Variants in PCDHGB1 observed in about 807,000 individuals in gnomAD.
The protein encoded by PCDHGB1 is protocadherin gamma subfamily B, 1, also known as protocadherin gamma-B1.
PCDHGB1 carries 34 observed loss-of-function variants against 56.6 expected under a neutral mutation model. The ratio of observed to expected loss-of-function variants is 0.60; its 90% CI spans 0.46 to 0.80. PCDHGB1 has a LOEUF of 0.80. Among genes scored for constraint, PCDHGB1 ranks in the 30% least tolerant of loss-of-function variants. The pLI is 0.00. For missense variants in PCDHGB1, 1,278 were observed against 1,204.6 expected (o/e 1.06, Z -0.90); for synonymous variants, 561 against 505.9 (o/e 1.11, Z -1.46).
chr5:141,352,334 T>C lies in PCDHGB1; in HGVS notation c.2074T>C (p.Leu692=). ...ACTGCAGTTTTACCTGGTTGTGGCC[T>C]TGGCCTTGATCTCAGTGCTCTTTCT... ...TELQFYLVVA[L]ALISVLFLLA... Residue 692 remains leucine (L), a synonymous_variant, in exon 1 of 4, where the codon TTG becomes CTG. Transcript: ENST00000523390. 3 of 1,614,084 alleles carry C rather than the reference T, an allele frequency of 1.9e-6. No individual in the cohort carries two copies. The highest frequency in any genetic ancestry group is 2.5e-6 in the Non-Finnish European group (3 of 1,179,914).
chr5:141,403,623 G>A (rs765775423), intron 1 of PCDHGB1: 1 of 1,613,898 alleles, frequency 6.2e-7, no homozygotes, highest in South Asian at 1.1e-5. Context: ...CGTCGCTCCA[G>A]CACAGTGCGC....
chr5:141,502,084 G>A (rs1438350526), intron 2 of PCDHGB1, among the ~76,000 whole-genome samples: 1 of 152,154 alleles, frequency 6.6e-6, no homozygotes, highest in African/African-American at 2.4e-5. Context: ...CTGGGGCTGA[G>A]AACACCTGGC....
In PCDHGB1 at chr5:141,486,001, C is replaced by T. The variant is rs771993915; in HGVS notation, c.2410-8806C>T. ...ACCCGGACCTGGGTCCCAGTGGTAA[C>T]GTCACCTTTTATTTCAGTGGTCATA... On this transcript the variant is annotated intron_variant, in intron 1 of 3. Coordinates refer to ENST00000523390, the MANE Select transcript of PCDHGB1 (RefSeq NM_018922.3). This position sits in a 1 kb window ranked among gnomAD's most constrained non-coding sequence, Gnocchi z 5.0. The T allele has an allele frequency of 2.5e-6, 4 of 1,614,076 alleles. No homozygotes were observed. The highest frequency in any genetic ancestry group is 8.5e-7 in the Non-Finnish European group (1 of 1,180,032).
chr5:141,366,945 A>G, intron 1 of PCDHGB1: 2 of 763,980 alleles, frequency 2.6e-6, no homozygotes, highest in East Asian at 5.7e-5. Flanking sequence ...TCTAGCTGAT[A>G]TCTGTAGACT....
Position 141,424,520 on chromosome 5 carries a change from A to T in PCDHGB1, c.2410-70287A>T, listed in dbSNP as rs527395935. ...GTATGGAAGGTTTTTTAATGTAGTA[A>T]ATCCATATATAGAAATAACTTGATT... is the stretch of plus-strand genomic sequence containing the variant. On this transcript the variant is annotated intron_variant, in intron 1 of 3. Coordinates refer to ENST00000523390, the MANE Select transcript of PCDHGB1 (RefSeq NM_018922.3). 15 of 152,286 alleles carry T rather than the reference A, an allele frequency of 9.8e-5. No individual in the cohort carries two copies. In the East Asian group the frequency reaches 2.9e-3, roughly 29 times the overall value. The allele number at this position is 152,286 out of a possible 1,614,324, so 9.4% of individuals were successfully genotyped here. A position where few individuals can be genotyped will look rare whatever the true frequency, so the allele number is the denominator to read the frequency against.
At chr5:141,360,594 A>G in intron 1 of PCDHGB1, 1 of 1,614,032 alleles carries the variant, frequency 6.2e-7, no homozygotes, top group Non-Finnish European at 8.5e-7. Context: ...CAACATTTCC[A>G]CTTGACCCAG....
In PCDHGB1 at chr5:141,487,678, C is replaced by T. The variant is rs1416406108; in HGVS notation, c.2410-7129C>T. ...ATTCTGATCCAGGCATATGGCTAGG[C>T]CATGTCCTAGAGAGTACTGGCCTCT... On this transcript the variant is annotated intron_variant, in intron 1 of 3. Transcript: ENST00000523390. The surrounding 1 kb of genome is among the most constrained non-coding windows in gnomAD (Gnocchi z 5.0). 6.2e-7 allele frequency: 1 copy of T among 1,609,696 alleles called. No individual in the cohort carries two copies. Among genetic ancestry groups the T allele is most frequent in the South Asian group, 1.1e-5 (1 of 90,230 alleles).
At chr5:141,374,056 T>A in intron 1 of PCDHGB1, 1 of 1,485,728 alleles carries the variant, frequency 6.7e-7, no homozygotes, top group Non-Finnish European at 8.9e-7. Context: ...CTCTTCTTAA[T>A]CCCAGAGAAG....
At position 141,489,963 on chromosome 5, in the gene PCDHGB1, C is replaced by A. The variant is rs779260164; in HGVS notation, c.2410-4844C>A. On this transcript the variant is annotated intron_variant, in intron 1 of 3. Coordinates refer to ENST00000523390, the MANE Select transcript of PCDHGB1 (RefSeq NM_018922.3). This position sits in a 1 kb window ranked among gnomAD's most constrained non-coding sequence, Gnocchi z 4.5. Reference sequence around the variant, plus strand: ...TGGACATCAATGATAATGCTCCAACCTTCCAATCCTCAGTTCTACGTGTGG... The same window carrying A: ...TGGACATCAATGATAATGCTCCAACATTCCAATCCTCAGTTCTACGTGTGG... The A allele has an allele frequency of 8.1e-6, 13 of 1,614,184 alleles. No homozygotes were observed. In the East Asian group the frequency reaches 2.2e-4, roughly 28 times the overall value.
intron 1 of PCDHGB1, among the ~76,000 whole-genome samples, chr5:141,373,589 GTGA>G (rs1348028052): frequency 6.6e-6 from 1 of 152,242 alleles, no homozygotes; most frequent in Non-Finnish European, 1.5e-5. Flanking sequence ...GTGGTGAAAT[GTGA>G]TGATAATTCA....
At chr5:141,422,566 A>G (rs2096656660) in intron 1 of PCDHGB1, 1 of 1,614,020 alleles carries the variant, frequency 6.2e-7, no homozygotes, top group Non-Finnish European at 8.5e-7. Flanking sequence ...GGCAGATGAC[A>G]ACGATAACCC....
intron 1 of PCDHGB1, chr5:141,413,327 A>G (rs200027912): frequency 6.2e-7 from 1 of 1,613,984 alleles, no homozygotes; most frequent in Non-Finnish European, 8.5e-7. Context: ...TTCGTGGGCA[A>G]CATCTCCAAG....
intron 1 of PCDHGB1, chr5:141,427,201 A>G (rs1272966114): frequency 4.4e-6 from 2 of 456,618 alleles, no homozygotes; most frequent in African/African-American, 4.0e-5. Flanking sequence ...GACTTAATAG[A>G]CTTCGAATTT....
At chr5:141,365,829 C>A in intron 1 of PCDHGB1, 1 of 1,613,964 alleles carries the variant, frequency 6.2e-7, no homozygotes, top group Non-Finnish European at 8.5e-7. Flanking sequence ...CAGGGGGCGC[C>A]CTTGTCCTCC....
In PCDHGB1 at chr5:141,351,038, C is replaced by T. The variant is rs1335852505; in HGVS notation, c.778C>T (p.Arg260Trp). 1.9e-6 allele frequency: 3 copies of T among 1,614,004 alleles called. No individual in the cohort carries two copies. Among genetic ancestry groups the T allele is most frequent in the East Asian group, 4.5e-5 (2 of 44,892 alleles). The change falls in exon 1 of 4, where the codon CGG becomes TGG. Residue 260 changes from arginine to tryptophan, a missense_variant. Physicochemically the swap from Arg to Trp is moderately radical, Grantham distance 101 (BLOSUM62 -3). Coordinates refer to ENST00000523390, the MANE Select transcript of PCDHGB1 (RefSeq NM_018922.3). ...CGTACCGTGGGGAACCTCCGTGCTG[C>T]GGGTGATGGCCACAGACCAGGATGA... ...ENVPWGTSVLRVMATDQDEGI... is the reference protein window; with the variant it reads ...ENVPWGTSVLWVMATDQDEGI...
At chr5:141,418,310 G>C (rs778649723) in intron 1 of PCDHGB1, 2 of 1,613,990 alleles carry the variant, frequency 1.2e-6, no homozygotes, top group Non-Finnish European at 1.7e-6. Context: ...CCTGGGGATG[G>C]GAACAATTCT....
intron 1 of PCDHGB1, chr5:141,382,914 G>T: frequency 6.4e-7 from 1 of 1,552,980 alleles, no homozygotes; most frequent in South Asian, 1.2e-5. Context: ...CGGCTCAGCC[G>T]AGGGGCGGGG....
rs2233607 is a variant in PCDHGB1 at position 141,490,647 on chromosome 5, G to A, written c.2410-4160G>A. The A allele has an allele frequency of 2.5e-3, 3,973 of 1,614,082 alleles. 41 individuals carry two copies. The African/African-American group carries it at 0.027, about 11-fold the overall frequency. ...CTTACATCCTAGAAAACCGGCCTCC[G>A]GGCTCCCTTCTTTGCACTGTGGCTG... is the stretch of plus-strand genomic sequence containing the variant. On this transcript the variant is annotated intron_variant, in intron 1 of 3. Transcript: ENST00000523390. The surrounding 1 kb of genome is among the most constrained non-coding windows in gnomAD (Gnocchi z 5.4).
Position 141,399,843 on chromosome 5 carries a change from T to C in PCDHGB1, c.2409+47174T>C, listed in dbSNP as rs1452069886. ...GTCCCGACGGCTCTGCGCTCTTCGATATGGTGCCGCGCGCTGCAGAGCCCG... is the reference window on the plus strand; with the variant it reads ...GTCCCGACGGCTCTGCGCTCTTCGACATGGTGCCGCGCGCTGCAGAGCCCG... On this transcript the variant is annotated intron_variant, in intron 1 of 3. Coordinates refer to ENST00000523390, the MANE Select transcript of PCDHGB1 (RefSeq NM_018922.3). 2.5e-6 allele frequency: 4 copies of C among 1,612,848 alleles called. No homozygotes were observed. The African/African-American group carries it at 5.3e-5, about 22-fold the overall frequency.
Sources: allele counts gnomAD v4.1 joint callset (sites outside exome capture counted in the v4.1 genomes callset), GRCh38; gene constraint gnomAD v4.1.1; non-coding constraint Gnocchi (gnomAD v3.1); transcripts MANE v1.5; gene names NCBI Gene and HGNC (gene_info 2026-07-23, HGNC 2026-07-21).